Variants in OSBP2 observed in about 807,000 individuals in gnomAD.
The protein encoded by OSBP2 is oxysterol binding protein 2.
OSBP2 carries 66 observed loss-of-function variants against 96.0 expected under a neutral mutation model. The ratio of observed to expected loss-of-function variants is 0.69; its 90% CI spans 0.56 to 0.84. The LOEUF is 0.84. OSBP2 is among the 40% of genes least tolerant of loss of function. The pLI, the probability that OSBP2 is intolerant of heterozygous loss-of-function variation, is 0.00. For missense variants in OSBP2, 1,038 were observed against 1,222.7 expected (o/e 0.85, Z 2.25); for synonymous variants, 525 against 520.9 (o/e 1.01, Z -0.11).
intron 1 of OSBP2, among the ~76,000 whole-genome samples, chr22:30,717,974 G>A (rs912524107): frequency 7.2e-5 from 11 of 152,194 alleles, no homozygotes; most frequent in Non-Finnish European, 1.2e-4. Context: ...GGTTAAAGCA[G>A]CAGTGGTTTT....
intron 2 of OSBP2, among the ~76,000 whole-genome samples, chr22:30,833,075 T>C (rs998173012): frequency 3.9e-5 from 6 of 152,176 alleles, no homozygotes; most frequent in Non-Finnish European, 8.8e-5. Flanking sequence ...AAGGATTCAG[T>C]CACCCATATG....
intron 2 of OSBP2, among the ~76,000 whole-genome samples, chr22:30,792,296 G>C (rs1467914524): frequency 4.0e-5 from 6 of 151,530 alleles, no homozygotes; most frequent in Non-Finnish European, 7.4e-5. Context: ...CTGGGCGACA[G>C]AGCGAGACTC....
intron 2 of OSBP2, among the ~76,000 whole-genome samples, chr22:30,869,115 A>G (rs1006008271): frequency 2.0e-5 from 3 of 151,618 alleles, no homozygotes; most frequent in Non-Finnish European, 4.4e-5. Flanking sequence ...GTGGTGCGCC[A>G]CCCCCCAGAG....
intron 2 of OSBP2, among the ~76,000 whole-genome samples, chr22:30,759,020 C>T (rs1467332365): frequency 6.6e-6 from 1 of 152,206 alleles, no homozygotes; most frequent in African/African-American, 2.4e-5. Context: ...TGAATACCCA[C>T]GTCCCTGTGG....
chr22:30,703,659 A>G (rs1644584412), intron 1 of OSBP2, among the ~76,000 whole-genome samples: 1 of 151,978 alleles, frequency 6.6e-6, no homozygotes, highest in Admixed American at 6.6e-5. Flanking sequence ...TATTTTTAGT[A>G]GAGACGGAGT....
At chr22:30,800,235 G>A (rs1217813183) in intron 2 of OSBP2, among the ~76,000 whole-genome samples, 2 of 152,180 alleles carry the variant, frequency 1.3e-5, no homozygotes, top group African/African-American at 4.8e-5. Flanking sequence ...CAGAAGGCAA[G>A]AACTCATAGA....
At chr22:30,902,550 G>A in intron 12 of OSBP2, 1 of 1,247,494 alleles carries the variant, frequency 8.0e-7, no homozygotes, top group Non-Finnish European at 1.2e-6. Flanking sequence ...TAGTCACCCA[G>A]GTGACTGGGA....
At chr22:30,709,572 G>A (rs1163182221) in intron 1 of OSBP2, among the ~76,000 whole-genome samples, 2 of 151,982 alleles carry the variant, frequency 1.3e-5, no homozygotes, top group East Asian at 1.9e-4. Context: ...CTGGAGTGCA[G>A]TGGTATGATT....
Position 30,741,223 on chromosome 22 carries a change from A to G in OSBP2, c.707A>G (p.Asp236Gly), listed in dbSNP as rs1189917377. ...ATCAACCTGTCCACCGCGCACATTG[A>G]CACGGAGGACTCTTGTGGTATCTTG... is the stretch of plus-strand genomic sequence containing the variant. ...GTINLSTAHI[D>G]TEDSCGILLT... Residue 236 changes from aspartate (D) to glycine (G), a missense_variant, in exon 2 of 14, where the codon GAC (aspartate) becomes GGC (glycine). Transcript: ENST00000332585. 4 of 1,614,006 alleles carry G rather than the reference A, an allele frequency of 2.5e-6. No individual in the cohort carries two copies. The African/African-American group carries it at 4.0e-5, about 16-fold the overall frequency.
In OSBP2 at chr22:30,778,303, GCACACA is replaced by G. The variant is rs34574171; in HGVS notation, c.853+36960_853+36965del. 1.5e-3 allele frequency among the ~76,000 whole-genome samples: 217 copies of G among 146,628 alleles called. 2 individuals carry two copies. Among genetic ancestry groups the G allele is most frequent in the Admixed American group, 0.014 (199 of 14,568 alleles). ...CTGCTCATACTGCCCGTGTGCATGT[GCACACA>G]CACACACACACACACACACACACAC... On this transcript the variant is annotated intron_variant, in intron 2 of 13. Coordinates refer to ENST00000332585, the MANE Select transcript of OSBP2 (RefSeq NM_030758.4).
chr22:30,902,129 A>AG, intron 12 of OSBP2: 1 of 135,318 alleles, frequency 7.4e-6, no homozygotes, highest in Non-Finnish European at 1.2e-5. Flanking sequence ...AAAAAACGAA[A>AG]AAAAAAAAAC....
intron 2 of OSBP2, among the ~76,000 whole-genome samples, chr22:30,829,177 G>C (rs1003436229): frequency 6.6e-6 from 1 of 152,224 alleles, no homozygotes; most frequent in African/African-American, 2.4e-5. Context: ...CAGGGAGCTG[G>C]TTCATTTGGC....
intron 2 of OSBP2, among the ~76,000 whole-genome samples, chr22:30,850,024 T>G (rs1381031065): frequency 1.3e-5 from 2 of 152,086 alleles, no homozygotes; most frequent in Non-Finnish European, 2.9e-5. Context: ...TTGATCAGGC[T>G]GGGCGTGGTG....
intron 12 of OSBP2, chr22:30,902,147 A>AC: frequency 7.4e-6 from 3 of 404,666 alleles, no homozygotes; most frequent in Non-Finnish European, 1.2e-5. Flanking sequence ...AACCAAAAAA[A>AC]AAAAACAGAG....
In OSBP2 at chr22:30,871,904, T is replaced by TGCTCAG. The variant is rs1329426066; in HGVS notation, c.1107+1231_1107+1236dup. ...CCCACCACCCACACCTGCCCAGATA[T>TGCTCAG]GCTCAGGCTCAGGCCTGGAGCACCC... On this transcript the variant is annotated intron_variant, in intron 3 of 13. Coordinates refer to ENST00000332585, the MANE Select transcript of OSBP2 (RefSeq NM_030758.4). This position sits in a 1 kb window ranked among gnomAD's most constrained non-coding sequence, Gnocchi z 4.7. Among the ~76,000 whole-genome samples the TGCTCAG allele has an allele frequency of 6.6e-6, 1 of 152,260 alleles. No individual in the cohort carries two copies. Among genetic ancestry groups the TGCTCAG allele is most frequent in the Non-Finnish European group, 1.5e-5 (1 of 68,042 alleles).
At position 30,771,957 on chromosome 22, in the gene OSBP2, C is replaced by T. The variant is rs146854873; in HGVS notation, c.853+30588C>T. Among the ~76,000 whole-genome samples the T allele has an allele frequency of 3.3e-4, 50 of 152,316 alleles. No homozygotes were observed. In the East Asian group the frequency reaches 7.5e-3, roughly 23 times the overall value. On this transcript the variant is annotated intron_variant, in intron 2 of 13. Coordinates refer to ENST00000332585, the MANE Select transcript of OSBP2 (RefSeq NM_030758.4). ...CCTCAATGCCTAGACACAGAAGGAA[C>T]ATTCTCTCTAGCCCCCAGATGTTTG...
At chr22:30,810,943 C>A (rs538343704) in intron 2 of OSBP2, among the ~76,000 whole-genome samples, 1 of 152,324 alleles carries the variant, frequency 6.6e-6, no homozygotes, top group African/African-American at 2.4e-5. Context: ...GATCCTGGCA[C>A]ACTCTCTCCA....
chr22:30,758,270 C>T (rs781099836), intron 2 of OSBP2, among the ~76,000 whole-genome samples: 2 of 151,972 alleles, frequency 1.3e-5, no homozygotes, highest in South Asian at 2.1e-4. Flanking sequence ...GGTGTGGTGG[C>T]GCACGCTTGT....
intron 2 of OSBP2, among the ~76,000 whole-genome samples, chr22:30,862,074 C>T (rs1364113131): frequency 6.6e-6 from 1 of 152,236 alleles, no homozygotes; most frequent in African/African-American, 2.4e-5. Context: ...TCCTGTGTGA[C>T]CCCTCCTGTG....
Sources: gnomAD v4.1 joint callset for allele counts (sites outside exome capture counted in the v4.1 genomes callset) on GRCh38, gnomAD v4.1.1 for gene constraint, Gnocchi (gnomAD v3.1) non-coding constraint, MANE v1.5 for transcripts, NCBI Gene and HGNC (gene_info 2026-07-23, HGNC 2026-07-21) for gene names.